The following VTI1A variants were observed in gnomAD, a reference collection of about 807,000 sequenced individuals.
VTI1A encodes vesicle transport through interaction with t-SNAREs 1A, also known as vesicle transport through interaction with t-SNAREs homolog 1A.
VTI1A carries 22 observed loss-of-function variants against 34.9 expected under a neutral mutation model. The observed-to-expected ratio is 0.63, with a 90% CI of 0.45 to 0.90. VTI1A has a LOEUF of 0.90. VTI1A is among the 40% of genes least tolerant of loss of function. The pLI, the probability that VTI1A is intolerant of heterozygous loss-of-function variation, is 0.00. For missense variants in VTI1A, 268 were observed against 275.6 expected, an observed-to-expected ratio of 0.97 and a Z score of 0.20; for synonymous variants, 87 against 97.3, an observed-to-expected ratio of 0.89 and a Z score of 0.62.
chr10:112,530,631 A>G (rs1027890991), intron 4 of VTI1A, among the ~76,000 whole-genome samples: 6 of 152,184 alleles, frequency 3.9e-5, no homozygotes, highest in African/African-American at 1.4e-4. Flanking sequence ...ACTATTTCCA[A>G]ATGTGGGGAA....
chr10:112,473,720 C>G lies in VTI1A; in HGVS notation c.264+9063C>G, dbSNP rs1190590837. On this transcript the variant is annotated intron_variant, in intron 3 of 7. Coordinates refer to ENST00000393077, the MANE Select transcript of VTI1A (RefSeq NM_145206.4). ...TGCGGCTCATCAAATCACTTGTGTT[C>G]TTTCTCCATATTTTCTCTGTGTTAG... Among the ~76,000 whole-genome samples, 2 of 152,134 alleles carry G rather than the reference C, an allele frequency of 1.3e-5. 1 individual carries two copies. The highest frequency in any genetic ancestry group is 1.3e-4 in the Admixed American group (2 of 15,276).
chr10:112,789,168 C>G (rs546455596), intron 7 of VTI1A, among the ~76,000 whole-genome samples: 2 of 152,276 alleles, frequency 1.3e-5, no homozygotes, highest in East Asian at 3.9e-4. Context: ...GAATTACCAT[C>G]TGGCATAATT....
At chr10:112,724,742 C>A (rs967780777) in intron 7 of VTI1A, among the ~76,000 whole-genome samples, 4 of 148,762 alleles carry the variant, frequency 2.7e-5, no homozygotes, top group African/African-American at 9.9e-5. Flanking sequence ...GTCTTGCTTG[C>A]TTTATATTCT....
intron 5 of VTI1A, among the ~76,000 whole-genome samples, chr10:112,557,396 T>C (rs1322374202): frequency 1.3e-5 from 2 of 152,194 alleles, no homozygotes; most frequent in East Asian, 3.8e-4. Context: ...CTTCCGATGT[T>C]CAGCAGTAAA....
intron 7 of VTI1A, among the ~76,000 whole-genome samples, chr10:112,702,431 T>C (rs1236638702): frequency 1.3e-5 from 2 of 152,192 alleles, no homozygotes; most frequent in African/African-American, 2.4e-5. Flanking sequence ...GTTCGTTTGT[T>C]TGTTTTCAGA....
chr10:112,712,474 T>TCA (rs60129148), intron 7 of VTI1A, among the ~76,000 whole-genome samples: 15,153 of 143,236 alleles, frequency 0.11, 811 homozygotes, highest in Non-Finnish European at 0.12. Context: ...TCAACTATTA[T>TCA]CACACACACA....
the VTI1A span, among the ~76,000 whole-genome samples, chr10:112,846,525 G>A: frequency 1.3e-5 from 2 of 152,200 alleles, no homozygotes; most frequent in Admixed American, 1.3e-4. Context: ...CCAGCACTTT[G>A]GGAGGCTGAG....
At position 112,733,698 on chromosome 10, in the gene VTI1A, C is replaced by G. The variant is rs550801538; in HGVS notation, c.560+64700C>G. 1.4e-3 allele frequency among the ~76,000 whole-genome samples: 213 copies of G among 150,184 alleles called. 1 individual carries two copies. The highest frequency in any genetic ancestry group is 2.1e-3 in the Admixed American group (32 of 15,160). On this transcript the variant is annotated intron_variant, in intron 7 of 7. Coordinates refer to ENST00000393077, the MANE Select transcript of VTI1A (RefSeq NM_145206.4). Reference sequence around the variant, plus strand: ...TTAAGTCCTGTGGATTCCACACTTGCAATACTGCTAGTCAGTTCTCATTTA... The same window carrying G: ...TTAAGTCCTGTGGATTCCACACTTGGAATACTGCTAGTCAGTTCTCATTTA...
chr10:112,513,448 G>A (rs957805234), intron 3 of VTI1A, among the ~76,000 whole-genome samples: 1 of 151,960 alleles, frequency 6.6e-6, no homozygotes, highest in African/African-American at 2.4e-5. Flanking sequence ...GGCATCTTTA[G>A]GGTTTTCTAT....
At chr10:112,814,667 TATTTCTC>T (rs1853446160) in intron 7 of VTI1A, among the ~76,000 whole-genome samples, 1 of 152,126 alleles carries the variant, frequency 6.6e-6, no homozygotes, top group Non-Finnish European at 1.5e-5. Flanking sequence ...GTACATTGTA[TATTTCTC>T]ATTTCCATCT....
chr10:112,644,203 G>A (rs1179535687), intron 5 of VTI1A, among the ~76,000 whole-genome samples: 1 of 152,160 alleles, frequency 6.6e-6, no homozygotes, highest in Non-Finnish European at 1.5e-5. Context: ...TTAAGTAGGA[G>A]TATTTTAATT....
intron 3 of VTI1A, among the ~76,000 whole-genome samples, chr10:112,505,350 C>A (rs546110691): frequency 1.3e-5 from 2 of 151,896 alleles, no homozygotes; most frequent in Non-Finnish European, 2.9e-5. Context: ...AGCATGCTAC[C>A]GTATTAAATT....
At chr10:112,791,464 G>A (rs1374683243) in intron 7 of VTI1A, among the ~76,000 whole-genome samples, 1 of 152,122 alleles carries the variant, frequency 6.6e-6, no homozygotes, top group East Asian at 1.9e-4. Context: ...CCACTCATCA[G>A]GTGATTGGAG....
At chr10:112,758,772 A>T (rs934098193) in intron 7 of VTI1A, among the ~76,000 whole-genome samples, 3 of 152,246 alleles carry the variant, frequency 2.0e-5, no homozygotes, top group Non-Finnish European at 2.9e-5. Context: ...TGAGGTGCTT[A>T]TGGATGGCCC....
chr10:112,554,589 A>G (rs1851480936), intron 5 of VTI1A, among the ~76,000 whole-genome samples: 1 of 152,182 alleles, frequency 6.6e-6, no homozygotes, highest in Non-Finnish European at 1.5e-5. Context: ...CAATCACAGT[A>G]GTCTTCATAT....
intron 7 of VTI1A, among the ~76,000 whole-genome samples, chr10:112,790,869 T>G (rs1307960634): frequency 6.6e-6 from 1 of 151,788 alleles, no homozygotes; most frequent in East Asian, 1.9e-4. Context: ...TTTTTGCTGG[T>G]CTGTAGAATG....
At chr10:112,567,353 T>C (rs1298538288) in intron 5 of VTI1A, among the ~76,000 whole-genome samples, 2 of 152,186 alleles carry the variant, frequency 1.3e-5, no homozygotes, top group African/African-American at 2.4e-5. Flanking sequence ...AAATGTGGTT[T>C]GTTAGAGGTT....
intron 3 of VTI1A, among the ~76,000 whole-genome samples, chr10:112,500,282 A>C (rs1849183394): frequency 6.6e-6 from 1 of 152,056 alleles, no homozygotes; most frequent in Non-Finnish European, 1.5e-5. Flanking sequence ...TACAAATACA[A>C]AAATTAGCTG....
intron 5 of VTI1A, among the ~76,000 whole-genome samples, chr10:112,593,823 G>A (rs182947716): frequency 2.0e-5 from 3 of 151,978 alleles, no homozygotes. Flanking sequence ...TGCAAGCTTC[G>A]CCTCCCGGGC....
Sources: allele counts gnomAD v4.1 joint callset (sites outside exome capture counted in the v4.1 genomes callset), GRCh38; gene constraint gnomAD v4.1.1; transcripts MANE v1.5; gene names NCBI Gene and HGNC (gene_info 2026-07-23, HGNC 2026-07-21).